The following PDGFA variants were observed in gnomAD, a reference collection of about 807,000 sequenced individuals.
PDGFA encodes platelet-derived growth factor subunit A.
PDGFA carries 9 observed loss-of-function variants against 25.6 expected under a neutral mutation model. That is an observed-to-expected ratio of 0.35 (90% confidence interval 0.21 to 0.61). The LOEUF is 0.61. Among genes scored for constraint, PDGFA ranks in the 20% least tolerant of loss-of-function variants. The pLI is 0.75. For synonymous variants in PDGFA, 133 were observed against 111.8 expected (o/e 1.19, Z -1.20); for missense variants, 242 against 272.8 (o/e 0.89, Z 0.79).
At chr7:516,333 C>CA (rs1213618001) in intron 2 of PDGFA, among the ~76,000 whole-genome samples, 4 of 152,038 alleles carry the variant, frequency 2.6e-5, no homozygotes, top group African/African-American at 7.3e-5. Context: ...TCTCCACCAC[C>CA]ATAATTAGGT....
At position 500,373 on chromosome 7, in the gene PDGFA, T is replaced by C. The variant is rs1350441512; in HGVS notation, c.580+743A>G. The C allele has an allele frequency of 6.4e-7, 1 of 1,563,092 alleles. No individual in the cohort carries two copies. The highest frequency in any genetic ancestry group is 8.8e-7 in the Non-Finnish European group (1 of 1,134,100). ...CAGGAAGCGTGATTTGCTGGTGTGA[T>C]CAGTCAGTTGCACCTCCCCGCCCTG... is the stretch of plus-strand genomic sequence containing the variant. On this transcript the variant is annotated intron_variant, in intron 5 of 5. Coordinates refer to ENST00000402802, the Ensembl canonical transcript of PDGFA. The surrounding 1 kb of genome is among the most constrained non-coding windows in gnomAD (Gnocchi z 5.0).
Position 518,922 on chromosome 7 carries a change from G to A in PDGFA, c.63+17C>T, listed in dbSNP as rs1254181608. ...GGAGGAGCCGGCGCAGGGACGGGGC[G>A]CGGGGGCGGCACCAACCTCGGCCAG... On this transcript the variant is annotated intron_variant, in intron 1 of 5. Transcript: ENST00000402802. The A allele has an allele frequency of 2.0e-6, 3 of 1,505,100 alleles. No individual in the cohort carries two copies. Among genetic ancestry groups the A allele is most frequent in the Non-Finnish European group, 2.7e-6 (3 of 1,127,198 alleles). 93.2% of individuals were successfully genotyped at this position (1,505,100 alleles called of 1,614,324 possible).
rs2128400263 is a variant in PDGFA, at chr7:510,741, G to GAGGAGAGGAGGGGAGGGGAT, written c.453+67_453+68insATCCCCTCCCCTCCTCTCCT. On this transcript the variant is annotated intron_variant, in intron 4 of 5. Transcript: ENST00000402802. ...GGGGAGGGGAGAGGAGGGGAGGGGA[G>GAGGAGAGGAGGGGAGGGGAT]AGGAGAGGAGGGGAGGGGAGAGGAG... The GAGGAGAGGAGGGGAGGGGAT allele has an allele frequency of 8.0e-6, 3 of 372,984 alleles. No individual in the cohort carries two copies. In the East Asian group the frequency reaches 1.5e-4, roughly 19 times the overall value. 23.1% of individuals were successfully genotyped at this position (372,984 alleles called of 1,614,324 possible).
At position 517,530 on chromosome 7, in the gene PDGFA, AC is replaced by A; in HGVS notation, c.64-41del. ...CACACGGTCAGCGCCCGCGGCCCCG[AC>A]CCCGCCGGCACGCGCCCCCGGCCGC... On this transcript the variant is annotated intron_variant, in intron 1 of 5. Transcript: ENST00000402802. This position sits in a 1 kb window ranked among gnomAD's most constrained non-coding sequence, Gnocchi z 7.4. 2.0e-6 allele frequency: 2 copies of A among 979,844 alleles called. No individual in the cohort carries two copies. Among genetic ancestry groups the A allele is most frequent in the Non-Finnish European group, 2.6e-6 (2 of 778,694 alleles). The allele number at this position is 979,844 out of a possible 1,614,324, so 60.7% of individuals were successfully genotyped here.
intron 3 of PDGFA, 129 bp from the exon 4 acceptor site, chr7:511,125 C>G (rs1025499026): frequency 4.2e-6 from 3 of 711,238 alleles, no homozygotes; most frequent in Non-Finnish European, 7.1e-6. Flanking sequence ...TCCTCCCAGG[C>G]AGCAGAGGCT....
chr7:512,809 G>A (rs374950859), intron 2 of PDGFA: 75 of 464,304 alleles, frequency 1.6e-4, no homozygotes, highest in African/African-American at 5.5e-4. Flanking sequence ...GGGCTGCCCC[G>A]GGGCAGGAGG....
chr7:515,876 C>T (rs562527461), intron 2 of PDGFA, among the ~76,000 whole-genome samples: 10 of 152,190 alleles, frequency 6.6e-5, no homozygotes, highest in Admixed American at 2.6e-4. Flanking sequence ...GTGGAGGAGG[C>T]GGGGCGCCAA....
rs1346075068 is a variant in PDGFA at position 500,175 on chromosome 7, A to C, written c.580+941T>G. The stretch of plus-strand genomic sequence containing the variant: ...TTCCATTCATGTGCAATGCTCCTGC[A>C]TCCCCAATCAACGACAAAGAGAAGG... On this transcript the variant is annotated intron_variant, in intron 5 of 5. Coordinates refer to ENST00000402802, the Ensembl canonical transcript of PDGFA. This position sits in a 1 kb window ranked among gnomAD's most constrained non-coding sequence, Gnocchi z 5.0. 1.3e-5 allele frequency among the ~76,000 whole-genome samples: 2 copies of C among 152,192 alleles called. No individual in the cohort carries two copies. The highest frequency in any genetic ancestry group is 4.8e-5 in the African/African-American group (2 of 41,452).
Position 517,366 on chromosome 7 carries a change from G to T in PDGFA, c.160+28C>A. On this transcript the variant is annotated intron_variant, in intron 2 of 5. Coordinates refer to ENST00000402802, the Ensembl canonical transcript of PDGFA. The surrounding 1 kb of genome is among the most constrained non-coding windows in gnomAD (Gnocchi z 7.4). Reference sequence around the variant, plus strand: ...CAGGCCGCCCGCCCGCGCCCTCCCCGCGCGCGGAGGGAAGGGGCGCGATTT... The same window carrying T: ...CAGGCCGCCCGCCCGCGCCCTCCCCTCGCGCGGAGGGAAGGGGCGCGATTT... The T allele has an allele frequency of 1.7e-6, 2 of 1,201,326 alleles. No homozygotes were observed. The highest frequency in any genetic ancestry group is 1.1e-6 in the Non-Finnish European group (1 of 911,236). The allele number at this position is 1,201,326 out of a possible 1,614,324, so 74.4% of individuals were successfully genotyped here.
intron 4 of PDGFA, among the ~76,000 whole-genome samples, chr7:503,164 C>T (rs1490350015): frequency 2.6e-5 from 4 of 152,184 alleles, no homozygotes; most frequent in Non-Finnish European, 2.9e-5. Context: ...TCTAACTAAG[C>T]CTGTCCCTAA....
chr7:499,720 T>TCCC (rs1162560758), intron 5 of PDGFA, among the ~76,000 whole-genome samples: 1 of 23,056 alleles, frequency 4.3e-5, no homozygotes, highest in African/African-American at 2.7e-4. Context: ...ATTTTGCCCT[T>TCCC]CCCCCCCCCC....
chr7:504,711 C>T (rs973652240), intron 4 of PDGFA, among the ~76,000 whole-genome samples: 3 of 152,248 alleles, frequency 2.0e-5, no homozygotes, highest in African/African-American at 4.8e-5. Context: ...GTTCTGCTCC[C>T]GGCCCTGACC....
intron 2 of PDGFA, chr7:512,858 G>T (rs1217394589): frequency 3.9e-5 from 13 of 335,516 alleles, no homozygotes; most frequent in Non-Finnish European, 7.6e-5. Flanking sequence ...TCCCCGAGGG[G>T]CACAGGGCTA....
rs1418794008 is a variant in PDGFA, at chr7:500,021, C to G, written c.580+1095G>C. Among the ~76,000 whole-genome samples the G allele has an allele frequency of 6.6e-5, 10 of 152,200 alleles. No homozygotes were observed. In the East Asian group the frequency reaches 1.9e-3, roughly 29 times the overall value. ...TTTATAAAGGATTTCCAGATATATT[C>G]AGCCTCCAACAGTCCTTATCTGTAA... is the stretch of plus-strand genomic sequence containing the variant. On this transcript the variant is annotated intron_variant, in intron 5 of 5. Coordinates refer to ENST00000402802, the Ensembl canonical transcript of PDGFA. This position sits in a 1 kb window ranked among gnomAD's most constrained non-coding sequence, Gnocchi z 5.0.
Position 517,422 on chromosome 7 carries a change from G to T in PDGFA, c.132C>A (p.Leu44=). ...CGGAGTCTATCTCCAGGAGTCGCTGGAGGTCCCGGATGCTGTGGATCTGAC... is the reference window on the plus strand; with the variant it reads ...CGGAGTCTATCTCCAGGAGTCGCTGTAGGTCCCGGATGCTGTGGATCTGAC... The change falls in exon 2 of 6, where the codon CTC becomes CTA. Residue 44 remains leucine (L), a synonymous_variant. Coordinates refer to ENST00000402802, the Ensembl canonical transcript of PDGFA. The surrounding 1 kb of genome is among the most constrained non-coding windows in gnomAD (Gnocchi z 7.4). 7.2e-7 allele frequency: 1 copy of T among 1,391,764 alleles called. No homozygotes were observed. Among genetic ancestry groups the T allele is most frequent in the Non-Finnish European group, 9.4e-7 (1 of 1,058,726 alleles). 86.2% of individuals were successfully genotyped at this position (1,391,764 alleles called of 1,614,324 possible). A position where few individuals can be genotyped will look rare whatever the true frequency, so the allele number is the denominator to read the frequency against.
At position 500,121 on chromosome 7, in the gene PDGFA, C is replaced by T. The variant is rs1782260711; in HGVS notation, c.580+995G>A. Among the ~76,000 whole-genome samples, 1 of 152,210 alleles carries T rather than the reference C, an allele frequency of 6.6e-6. No individual in the cohort carries two copies. Among genetic ancestry groups the T allele is most frequent in the Admixed American group, 6.5e-5 (1 of 15,284 alleles). ...CAGAGTGGCCAGGCGCTCAGAGCTG[C>T]CCCACCGCTGCTCAGGTCGCCCAAC... is the stretch of plus-strand genomic sequence containing the variant. On this transcript the variant is annotated intron_variant, in intron 5 of 5. Coordinates refer to ENST00000402802, the Ensembl canonical transcript of PDGFA. This position sits in a 1 kb window ranked among gnomAD's most constrained non-coding sequence, Gnocchi z 5.0.
intron 4 of PDGFA, among the ~76,000 whole-genome samples, chr7:510,382 C>T (rs1282398634): frequency 6.6e-6 from 1 of 151,524 alleles, no homozygotes; most frequent in Admixed American, 6.6e-5. Flanking sequence ...CCTGGCAACC[C>T]AGTAGGGGCG....
chr7:506,366 T>C lies in PDGFA; in HGVS notation c.453+4443A>G, dbSNP rs1477518462. ...TGGAAGCAATGCCCAGACCTCAAGC[T>C]CGTGTAAGAGGCCCCTGCCCAGCCT... is the stretch of plus-strand genomic sequence containing the variant. On this transcript the variant is annotated intron_variant, in intron 4 of 5. Coordinates refer to ENST00000402802, the Ensembl canonical transcript of PDGFA. 3.3e-5 allele frequency among the ~76,000 whole-genome samples: 5 copies of C among 151,242 alleles called. No homozygotes were observed. In the East Asian group the frequency reaches 9.7e-4, roughly 29 times the overall value.
In PDGFA at chr7:500,892, G is replaced by T. The variant is rs1327639524; in HGVS notation, c.580+224C>A. The T allele has an allele frequency of 6.3e-7, 1 of 1,577,168 alleles. No individual in the cohort carries two copies. The highest frequency in any genetic ancestry group is 1.1e-5 in the South Asian group (1 of 88,462). On this transcript the variant is annotated intron_variant, in intron 5 of 5. Coordinates refer to ENST00000402802, the Ensembl canonical transcript of PDGFA. This position sits in a 1 kb window ranked among gnomAD's most constrained non-coding sequence, Gnocchi z 5.0. ...CAGTGAGACCTGAATCTCCTCTCCT[G>T]CCAGTGCCGCAGCTTGGGCCACCCT...
Sources: allele counts gnomAD v4.1 joint callset (sites outside exome capture counted in the v4.1 genomes callset), GRCh38; gene constraint gnomAD v4.1.1; non-coding constraint Gnocchi (gnomAD v3.1); transcripts MANE v1.5; gene names NCBI Gene and HGNC (gene_info 2026-07-23, HGNC 2026-07-21).